Variants in CWF19L2 observed in about 807,000 individuals in gnomAD.
CWF19L2 encodes CWF19-like protein 2.
CWF19L2 carries 98 observed loss-of-function variants against 111.7 expected under a neutral mutation model. The ratio of observed to expected loss-of-function variants is 0.88; its 90% CI spans 0.75 to 1.04. CWF19L2 has a LOEUF of 1.04. Among genes scored for constraint, CWF19L2 ranks in the 50% least tolerant of loss-of-function variants. The probability of loss-of-function intolerance (pLI) is 0.00; values close to 1 mark genes in which losing one functional copy is unlikely to be tolerated. For synonymous variants in CWF19L2, 351 were observed against 342.9 expected, an observed-to-expected ratio of 1.02 and a Z score of -0.26; for missense variants, 1,101 against 1,051.4, an observed-to-expected ratio of 1.05 and a Z score of -0.65.
At chr11:107,358,436 A>T (rs1472768996) in intron 12 of CWF19L2, among the ~76,000 whole-genome samples, 1 of 152,130 alleles carries the variant, frequency 6.6e-6, no homozygotes, top group Non-Finnish European at 1.5e-5. Context: ...CCTGGGCCAC[A>T]TGTGGCCCAC....
rs181176955 is a variant in CWF19L2, at chr11:107,400,583, A to T, written c.1618-7688T>A. ...CTGAAATGGTAATTTAAAAATTAAC[A>T]ACAAAAAAAAGTCCAGGACCAGAAG... On this transcript the variant is annotated intron_variant, in intron 10 of 17. Transcript: ENST00000282251. 1.9e-3 allele frequency among the ~76,000 whole-genome samples: 296 copies of T among 152,266 alleles called. 1 individual carries two copies. The highest frequency in any genetic ancestry group is 6.8e-3 in the African/African-American group (283 of 41,566).
At chr11:107,451,384 T>C (rs1166599006) in intron 3 of CWF19L2, among the ~76,000 whole-genome samples, 2 of 152,100 alleles carry the variant, frequency 1.3e-5, no homozygotes, top group African/African-American at 2.4e-5. Context: ...TGGCGATACA[T>C]TCATCTTAGA....
chr11:107,330,689 C>CACACACACACAT (rs58207804), intron 16 of CWF19L2, among the ~76,000 whole-genome samples: 6 of 141,632 alleles, frequency 4.2e-5, no homozygotes, highest in African/African-American at 1.1e-4. Context: ...CACACACACA[C>CACACACACACAT]TTTAAACTAT....
At chr11:107,333,894 T>A (rs766764616) in intron 16 of CWF19L2, among the ~76,000 whole-genome samples, 83 of 152,182 alleles carry the variant, frequency 5.5e-4, no homozygotes, top group Non-Finnish European at 4.1e-4. Context: ...AAGGACCACA[T>A]AATAAAATAC....
intron 10 of CWF19L2, among the ~76,000 whole-genome samples, chr11:107,406,222 C>G (rs991939616): frequency 2.6e-5 from 4 of 152,324 alleles, no homozygotes; most frequent in African/African-American, 9.6e-5. Flanking sequence ...AACTCTCCTA[C>G]TAAATCAGAT....
In CWF19L2 at chr11:107,454,499, CTCTTT is replaced by C; in HGVS notation, c.285_289del (p.Lys96GlnfsTer6). 1 of 1,472,820 alleles carries C rather than the reference CTCTTT, an allele frequency of 6.8e-7. No individual in the cohort carries two copies. Among genetic ancestry groups the C allele is most frequent in the Non-Finnish European group, 9.0e-7 (1 of 1,116,318 alleles). The allele number at this position is 1,472,820 out of a possible 1,614,324, so 91.2% of individuals were successfully genotyped here. A position where few individuals can be genotyped will look rare whatever the true frequency, so the allele number is the denominator to read the frequency against. ...GTTTTTTTCATATTTCTGTTTCTTGCTCTTTTTTTTCTTTTCTTTCTTTGCTTTTT... is the reference window on the plus strand; with the variant it reads ...GTTTTTTTCATATTTCTGTTTCTTGCTTTTTCTTTTCTTTCTTTGCTTTTT... On this transcript the variant is annotated frameshift_variant, in exon 3 of 18. Coordinates refer to ENST00000282251, the MANE Select transcript of CWF19L2 (RefSeq NM_152434.3). LOFTEE classifies it high-confidence loss of function.
intron 10 of CWF19L2, among the ~76,000 whole-genome samples, chr11:107,415,374 C>CCT (rs1294031366): frequency 5.3e-5 from 8 of 152,140 alleles, no homozygotes; most frequent in African/African-American, 1.9e-4. Flanking sequence ...TTGCCACTAC[C>CCT]CTGCCATAGG....
chr11:107,394,824 C>A (rs1022780857), intron 10 of CWF19L2, among the ~76,000 whole-genome samples: 18 of 152,038 alleles, frequency 1.2e-4, no homozygotes, highest in African/African-American at 3.4e-4. Context: ...CTAATCATCA[C>A]CCATATTGCA....
chr11:107,448,799 G>A (rs1445530082), intron 3 of CWF19L2, among the ~76,000 whole-genome samples: 1 of 152,110 alleles, frequency 6.6e-6, no homozygotes, highest in Admixed American at 6.5e-5. Flanking sequence ...CCATCTCTGA[G>A]GAACTGAACC....
chr11:107,350,295 G>T (rs890471243), intron 13 of CWF19L2, among the ~76,000 whole-genome samples: 1 of 152,192 alleles, frequency 6.6e-6, no homozygotes, highest in African/African-American at 2.4e-5. Flanking sequence ...TACCCATAAG[G>T]AGCTTATGGG....
rs148145330 is a variant in CWF19L2, at chr11:107,393,587, T to C, written c.1618-692A>G. Reference sequence around the variant, plus strand: ...TATCAAAAAGACACCTGCACTTGTATGTTTATCCCAGCACTATTCACACAA... The same window carrying C: ...TATCAAAAAGACACCTGCACTTGTACGTTTATCCCAGCACTATTCACACAA... On this transcript the variant is annotated intron_variant, in intron 10 of 17. Transcript: ENST00000282251. 3.6e-3 allele frequency among the ~76,000 whole-genome samples: 552 copies of C among 152,318 alleles called. 3 individuals are homozygous for C. The highest frequency in any genetic ancestry group is 0.012 in the African/African-American group (514 of 41,584).
chr11:107,407,163 C>T (rs575097870), intron 10 of CWF19L2, among the ~76,000 whole-genome samples: 2 of 152,080 alleles, frequency 1.3e-5, no homozygotes, highest in South Asian at 4.2e-4. Context: ...CTCTTGGTAC[C>T]TGCATATTTA....
chr11:107,352,092 AC>A (rs1343605889), intron 13 of CWF19L2, among the ~76,000 whole-genome samples: 1 of 152,156 alleles, frequency 6.6e-6, no homozygotes, highest in Non-Finnish European at 1.5e-5. Flanking sequence ...CCCACTTAAG[AC>A]AGCTTATAGT....
At chr11:107,452,739 C>A (rs1196600184) in intron 3 of CWF19L2, among the ~76,000 whole-genome samples, 1 of 152,220 alleles carries the variant, frequency 6.6e-6, no homozygotes, top group Non-Finnish European at 1.5e-5. Context: ...CACCCGTAAT[C>A]CCAGCACTTT....
chr11:107,381,438 T>C (rs1860684763), intron 12 of CWF19L2, among the ~76,000 whole-genome samples: 2 of 152,190 alleles, frequency 1.3e-5, no homozygotes, highest in African/African-American at 4.8e-5. Flanking sequence ...AAGTCAATAT[T>C]TATCTTATTC....
intron 10 of CWF19L2, among the ~76,000 whole-genome samples, chr11:107,401,189 C>T (rs190229323): frequency 3.3e-4 from 50 of 152,234 alleles, no homozygotes; most frequent in African/African-American, 1.2e-3. Context: ...CACTCCTCTT[C>T]AACACAGTAC....
chr11:107,390,049 G>A (rs1170883319), intron 12 of CWF19L2, 25 bp downstream of exon 12: 3 of 1,602,690 alleles, frequency 1.9e-6, no homozygotes, highest in Admixed American at 1.7e-5. Context: ...TCAAAATTCA[G>A]AGGTATCCTA....
chr11:107,451,196 T>C (rs931000269), intron 3 of CWF19L2, among the ~76,000 whole-genome samples: 3 of 150,740 alleles, frequency 2.0e-5, no homozygotes, highest in African/African-American at 7.3e-5. Context: ...ACTAGAAAAA[T>C]CCACAAATAT....
intron 10 of CWF19L2, among the ~76,000 whole-genome samples, chr11:107,401,988 G>A (rs900576097): frequency 5.3e-5 from 8 of 151,970 alleles, no homozygotes; most frequent in South Asian, 2.1e-4. Context: ...GGGAAAGGAC[G>A]CCCTTTTCAA....
Sources: gnomAD v4.1 joint callset for allele counts (sites outside exome capture counted in the v4.1 genomes callset) on GRCh38, gnomAD v4.1.1 for gene constraint, MANE v1.5 for transcripts, NCBI Gene and HGNC (gene_info 2026-07-23, HGNC 2026-07-21) for gene names.